Variants in MTUS2 observed in about 807,000 individuals in gnomAD.
The protein encoded by MTUS2 is microtubule-associated tumor suppressor candidate 2.
MTUS2 carries 40 observed loss-of-function variants against 114.1 expected under a neutral mutation model. The ratio of observed to expected loss-of-function variants is 0.35; its 90% CI spans 0.27 to 0.46. The LOEUF (loss-of-function observed/expected upper bound fraction) is 0.46. Ranked by LOEUF, MTUS2 falls within the 20% of genes least tolerant of loss-of-function variation. MTUS2 has a pLI of 1.00. For synonymous variants in MTUS2, 688 were observed against 672.0 expected (o/e 1.02, Z -0.37); for missense variants, 1,679 against 1,705.4 (o/e 0.98, Z 0.27).
chr13:29,025,112 G>C lies in MTUS2; in HGVS notation c.414G>C (p.Val138=). 6.2e-7 allele frequency: 1 copy of C among 1,614,004 alleles called. No individual in the cohort carries two copies. The highest frequency in any genetic ancestry group is 1.1e-5 in the South Asian group (1 of 91,078). Residue 138 remains valine, a synonymous_variant, in exon 3 of 16, where the codon GTG becomes GTC. Transcript: ENST00000612955. The part of the protein sequence containing the change: ...QGPSLSSWRN[V]MSEASLDVLA... ...CAAGTCTGTCGAGTTGGAGGAATGTGATGAGTGAGGCCAGTCTAGACGTTT... is the reference window on the plus strand; with the variant it reads ...CAAGTCTGTCGAGTTGGAGGAATGTCATGAGTGAGGCCAGTCTAGACGTTT...
intron 2 of MTUS2, among the ~76,000 whole-genome samples, chr13:29,019,037 T>C (rs1886183971): frequency 6.6e-6 from 1 of 152,122 alleles, no homozygotes; most frequent in Non-Finnish European, 1.5e-5. Flanking sequence ...CTTACACAAC[T>C]GTAGGTTACT....
Position 29,389,391 on chromosome 13 carries a change from G to A in MTUS2, c.3117+29918G>A, listed in dbSNP as rs1214723111. 7.1e-3 allele frequency among the ~76,000 whole-genome samples: 96 copies of A among 13,446 alleles called. 21 individuals carry two copies. The highest frequency in any genetic ancestry group is 0.028 in the Non-Finnish European group (65 of 2,328). The allele number at this position is 13,446 out of a possible 152,430, so 8.8% of individuals were successfully genotyped here. On this transcript the variant is annotated intron_variant, in intron 8 of 15. Coordinates refer to ENST00000612955, the MANE Select transcript of MTUS2 (RefSeq NM_001033602.4). ...CGTGTGTGTATATATGTATACACGT[G>A]TGTGTATATATGTATACACGTGTGT...
At chr13:28,990,776 A>T (rs1042055881) in intron 2 of MTUS2, among the ~76,000 whole-genome samples, 1 of 152,180 alleles carries the variant, frequency 6.6e-6, no homozygotes, top group Non-Finnish European at 1.5e-5. Flanking sequence ...CAGGCTGTGG[A>T]AGGTTTGTTC....
intron 5 of MTUS2, among the ~76,000 whole-genome samples, chr13:29,235,086 GTTAA>G (rs753815010): frequency 2.6e-5 from 4 of 151,904 alleles, no homozygotes; most frequent in African/African-American, 9.7e-5. Context: ...ATTTAATTTA[GTTAA>G]TTAATTAATT....
chr13:29,044,276 T>C (rs1457041833), intron 4 of MTUS2, among the ~76,000 whole-genome samples: 6 of 125,208 alleles, frequency 4.8e-5, no homozygotes, highest in African/African-American at 1.1e-4. Flanking sequence ...AATTTCTAGC[T>C]TGAATGGTTT....
chr13:29,329,704 C>T (rs1290749436), intron 7 of MTUS2, among the ~76,000 whole-genome samples: 1 of 151,092 alleles, frequency 6.6e-6, no homozygotes. Flanking sequence ...ACCTGTGCCT[C>T]CTGGGTTCAA....
At chr13:29,122,028 C>A (rs904989485) in intron 5 of MTUS2, among the ~76,000 whole-genome samples, 1 of 152,120 alleles carries the variant, frequency 6.6e-6, no homozygotes, top group African/African-American at 2.4e-5. Flanking sequence ...ATTGAGGTTC[C>A]TTGTAGGCTA....
At chr13:29,404,109 C>T (rs1874564612) in intron 8 of MTUS2, among the ~76,000 whole-genome samples, 1 of 150,124 alleles carries the variant, frequency 6.7e-6, no homozygotes, top group Non-Finnish European at 1.5e-5. Context: ...CCGATCTGAC[C>T]ATGTCCCTCC....
intron 2 of MTUS2, among the ~76,000 whole-genome samples, chr13:28,882,799 A>G (rs1878371322): frequency 6.6e-6 from 1 of 152,220 alleles, no homozygotes; most frequent in African/African-American, 2.4e-5. Context: ...GACGTCATAA[A>G]AAAATGAAAA....
intron 8 of MTUS2, among the ~76,000 whole-genome samples, chr13:29,439,060 C>T (rs970995832): frequency 7.9e-5 from 12 of 152,164 alleles, no homozygotes; most frequent in African/African-American, 2.4e-4. Flanking sequence ...GCTAGGTATT[C>T]GGTCCACATT....
chr13:29,143,231 G>GCCTA (rs1285735430), intron 5 of MTUS2, among the ~76,000 whole-genome samples: 4 of 152,164 alleles, frequency 2.6e-5, no homozygotes, highest in Non-Finnish European at 4.4e-5. Flanking sequence ...GAAGGCTTAA[G>GCCTA]CCTAGCTTTC....
chr13:29,238,539 T>G (rs1381934836), intron 5 of MTUS2, among the ~76,000 whole-genome samples: 4 of 152,172 alleles, frequency 2.6e-5, no homozygotes, highest in African/African-American at 9.7e-5. Context: ...ATGTGATGTT[T>G]TGAGGGCAGG....
intron 2 of MTUS2, among the ~76,000 whole-genome samples, chr13:28,850,712 A>G (rs1296783533): frequency 6.6e-6 from 1 of 152,238 alleles, no homozygotes; most frequent in Admixed American, 6.5e-5. Flanking sequence ...TCTCTAAACC[A>G]TCCTGGAGAC....
intron 6 of MTUS2, among the ~76,000 whole-genome samples, chr13:29,282,923 T>C (rs1465629423): frequency 1.3e-5 from 2 of 152,234 alleles, no homozygotes; most frequent in East Asian, 1.9e-4. Context: ...CATGATTTAT[T>C]CAATCATTCC....
chr13:29,086,102 A>G (rs1280061703), intron 4 of MTUS2, among the ~76,000 whole-genome samples: 1 of 152,054 alleles, frequency 6.6e-6, no homozygotes, highest in Non-Finnish European at 1.5e-5. Flanking sequence ...GTGTCTATTC[A>G]TGTTCTTTGC....
chr13:29,478,631 T>A (rs1194573523), intron 9 of MTUS2, among the ~76,000 whole-genome samples: 1 of 152,192 alleles, frequency 6.6e-6, no homozygotes, highest in Non-Finnish European at 1.5e-5. Flanking sequence ...CAGGGTCTTT[T>A]AAAGTCAGTT....
At chr13:28,920,351 C>A (rs1369658803) in intron 2 of MTUS2, among the ~76,000 whole-genome samples, 2 of 152,186 alleles carry the variant, frequency 1.3e-5, no homozygotes, top group East Asian at 3.9e-4. Context: ...TTGATAAAAT[C>A]GGAAGAATTC....
At position 29,034,119 on chromosome 13, in the gene MTUS2, C is replaced by G. The variant is rs1452081445; in HGVS notation, c.2440C>G (p.Pro814Ala). 6.2e-7 allele frequency: 1 copy of G among 1,613,852 alleles called. No individual in the cohort carries two copies. The highest frequency in any genetic ancestry group is 1.3e-5 in the African/African-American group (1 of 74,930). Residue 814 changes from proline (P) to alanine (A), a missense_variant, in exon 4 of 16, where the codon CCT becomes GCT. By Grantham distance (27) the Pro-to-Ala change is conservative. Coordinates refer to ENST00000612955, the MANE Select transcript of MTUS2 (RefSeq NM_001033602.4). Reference sequence around the variant, plus strand: ...AGCCACCAGTCTCTACAGTTCCGATCCTTCAGGTAACCGATCCAACAGTTT... The same window carrying G: ...AGCCACCAGTCTCTACAGTTCCGATGCTTCAGGTAACCGATCCAACAGTTT... ...TTATSLYSSD[P>A]SADLKKASSS...
At chr13:29,128,726 G>A (rs1362051194) in intron 5 of MTUS2, among the ~76,000 whole-genome samples, 1 of 151,958 alleles carries the variant, frequency 6.6e-6, no homozygotes, top group Non-Finnish European at 1.5e-5. Context: ...CTAGCCATGT[G>A]TCACTCATGT....
Sources: allele counts gnomAD v4.1 joint callset (sites outside exome capture counted in the v4.1 genomes callset), GRCh38; gene constraint gnomAD v4.1.1; transcripts MANE v1.5; gene names NCBI Gene and HGNC (gene_info 2026-07-23, HGNC 2026-07-21).